ANKAR: variants seen among roughly 807,000 people sequenced by gnomAD.
ANKAR encodes ankyrin and armadillo repeat-containing protein.
In ANKAR, 136 loss-of-function variants were observed where a neutral mutation model predicts 146.2. The ratio of observed to expected loss-of-function variants is 0.93; its 90% CI spans 0.81 to 1.07. The LOEUF is 1.07. Among genes scored for constraint, ANKAR ranks in the 50% least tolerant of loss-of-function variants. ANKAR has a pLI of 0.00. For missense variants in ANKAR, 1,567 were observed against 1,679.9 expected, an observed-to-expected ratio of 0.93 and a Z score of 1.18; for synonymous variants, 500 against 575.8, an observed-to-expected ratio of 0.87 and a Z score of 1.88.
At chr2:189,755,117 C>T (rs2045908196) in intron 18 of ANKAR, 5 of 1,564,704 alleles carry the variant, frequency 3.2e-6, no homozygotes, top group Non-Finnish European at 4.3e-6. Flanking sequence ...TCTATTGCTA[C>T]TTAGTTGAAA....
At chr2:189,704,544 CATATATATATATATATAT>C (rs10578902) in intron 7 of ANKAR, among the ~76,000 whole-genome samples, 3,209 of 36,446 alleles carry the variant, frequency 0.088, 164 homozygotes, top group African/African-American at 0.16. Context: ...CCTTTGTTAA[CATATATATATATATATAT>C]ATATATATAT....
intron 12 of ANKAR, among the ~76,000 whole-genome samples, chr2:189,725,279 T>TACACACACACACAC (rs10546393): frequency 3.0e-4 from 44 of 146,568 alleles, no homozygotes; most frequent in South Asian, 6.5e-4. Flanking sequence ...TATGGATTTA[T>TACACACACACACAC]ACACACACAC....
chr2:189,724,416 C>T (rs2041644196), intron 12 of ANKAR, among the ~76,000 whole-genome samples: 1 of 152,152 alleles, frequency 6.6e-6, no homozygotes, highest in Non-Finnish European at 1.5e-5. Context: ...AAATGACCTT[C>T]CTGTCACTCC....
At chr2:189,741,908 T>C (rs1277647090) in intron 20 of ANKAR, among the ~76,000 whole-genome samples, 1 of 152,240 alleles carries the variant, frequency 6.6e-6, no homozygotes, top group Non-Finnish European at 1.5e-5. Context: ...AAGAAACTTA[T>C]AATTGTTTAC....
intron 4 of ANKAR, 95 bp from the exon 5 acceptor site, chr2:189,692,979 T>A (rs1399150939): frequency 1.8e-5 from 11 of 607,852 alleles, no homozygotes; most frequent in Non-Finnish European, 2.7e-5. Context: ...ATTTAAAATT[T>A]GTCATTTACA....
rs1204525764 is a variant in ANKAR, at chr2:189,755,627, G to A, written c.*585-5471G>A. ...AAAAATGAAGAAAAATGATATTACAGCTAAAAGCATGTCTTCAAGTTAATC... is the reference window on the plus strand; with the variant it reads ...AAAAATGAAGAAAAATGATATTACAACTAAAAGCATGTCTTCAAGTTAATC... On this transcript the variant is annotated intron_variant and NMD_transcript_variant, in intron 18 of 18. Transcript: ENST00000441800. 8.0e-6 allele frequency: 12 copies of A among 1,492,194 alleles called. No homozygotes were observed. The Admixed American group carries it at 2.0e-4, about 25-fold the overall frequency. The allele number at this position is 1,492,194 out of a possible 1,614,324, so 92.4% of individuals were successfully genotyped here.
At chr2:189,761,905 GACTT>G (rs1364273061), downstream of ANKAR, among the ~76,000 whole-genome samples, 8 of 152,196 alleles carry the variant, frequency 5.3e-5, no homozygotes, top group Middle Eastern at 0.02. Context: ...CCTACCAAAA[GACTT>G]ACTATTAAGA....
Position 189,723,536 on chromosome 2 carries a change from T to C in ANKAR, c.2635+2749T>C, listed in dbSNP as rs373639280. On this transcript the variant is annotated intron_variant, in intron 12 of 22. Transcript: ENST00000684021. Reference sequence around the variant, plus strand: ...TAAAAGATCACCTCATTTTTTTTCTTGGAATGATTATTCACATATTTCTGC... The same window carrying C: ...TAAAAGATCACCTCATTTTTTTTCTCGGAATGATTATTCACATATTTCTGC... Among the ~76,000 whole-genome samples, 7 of 152,192 alleles carry C rather than the reference T, an allele frequency of 4.6e-5. No individual in the cohort carries two copies. The South Asian group carries it at 1.5e-3, about 32-fold the overall frequency.
At chr2:189,745,185 T>C (rs2043970196) in intron 22 of ANKAR, among the ~76,000 whole-genome samples, 1 of 151,482 alleles carries the variant, frequency 6.6e-6, no homozygotes, top group Non-Finnish European at 1.5e-5. Context: ...AGTGAGACTC[T>C]GTCTCAAAAA....
chr2:189,697,724 C>T (rs923930292), intron 7 of ANKAR, among the ~76,000 whole-genome samples: 4 of 152,046 alleles, frequency 2.6e-5, no homozygotes, highest in South Asian at 2.1e-4. Flanking sequence ...GTTTCTCATG[C>T]GCCCTCTGAC....
intron 2 of ANKAR, among the ~76,000 whole-genome samples, chr2:189,684,943 A>G (rs1403605154): frequency 1.3e-5 from 2 of 150,998 alleles, no homozygotes. Flanking sequence ...CTTTTTTATT[A>G]TTTACTTTCC....
chr2:189,756,753 C>CA (rs1188191428), intron 18 of ANKAR, among the ~76,000 whole-genome samples: 3 of 152,182 alleles, frequency 2.0e-5, no homozygotes, highest in Non-Finnish European at 4.4e-5. Flanking sequence ...CAAAAGCCCT[C>CA]ATCTCAGTCT....
At chr2:189,730,447 T>C (rs2042300041) in intron 15 of ANKAR, 48 bp from the exon 16 acceptor site, 1 of 1,221,886 alleles carries the variant, frequency 8.2e-7, no homozygotes, top group Non-Finnish European at 1.2e-6. Flanking sequence ...GACTTTACCA[T>C]TTGTAAGATG....
chr2:189,761,775 G>C (rs1219990372), downstream of ANKAR: 18 of 1,088,286 alleles, frequency 1.7e-5, no homozygotes, highest in Middle Eastern at 1.3e-3. Flanking sequence ...CCAAAAGTTT[G>C]TAAAGGCTAT....
At chr2:189,733,943 A>G (rs1286384931) in intron 17 of ANKAR, among the ~76,000 whole-genome samples, 1 of 151,666 alleles carries the variant, frequency 6.6e-6, no homozygotes, top group Non-Finnish European at 1.5e-5. Context: ...TTTGTTTTTC[A>G]TGATTTCATG....
intron 10 of ANKAR, among the ~76,000 whole-genome samples, chr2:189,715,993 G>A (rs989812925): frequency 2.6e-5 from 4 of 152,172 alleles, no homozygotes; most frequent in Non-Finnish European, 5.9e-5. Flanking sequence ...TACTGAATGG[G>A]CAAAAATTGG....
Position 189,696,388 on chromosome 2 carries a change from AC to A in ANKAR, c.1708+21del. The A allele has an allele frequency of 6.3e-7, 1 of 1,598,066 alleles. No homozygotes were observed. Among genetic ancestry groups the A allele is most frequent in the Non-Finnish European group, 8.5e-7 (1 of 1,172,678 alleles). ...AGCCAAGGTACCATAAAGTTTTTTA[AC>A]CTAAAATGTTGTTATTTTATTTACC... is the stretch of plus-strand genomic sequence containing the variant. On this transcript the variant is annotated intron_variant, in intron 7 of 22. Transcript: ENST00000684021.
At chr2:189,745,331 A>C (rs1242794763) in intron 22 of ANKAR, among the ~76,000 whole-genome samples, 1 of 152,202 alleles carries the variant, frequency 6.6e-6, no homozygotes, top group African/African-American at 2.4e-5. Flanking sequence ...ATATCACTTG[A>C]AAGTGACTCC....
At chr2:189,704,468 A>G (rs2038553916) in intron 7 of ANKAR, among the ~76,000 whole-genome samples, 1 of 147,794 alleles carries the variant, frequency 6.8e-6, no homozygotes, top group Non-Finnish European at 1.5e-5. Flanking sequence ...CTACCCACAT[A>G]ATAAATATCT....
Sources: gnomAD v4.1 joint callset for allele counts (sites outside exome capture counted in the v4.1 genomes callset) on GRCh38, gnomAD v4.1.1 for gene constraint, MANE v1.5 for transcripts, NCBI Gene and HGNC (gene_info 2026-07-23, HGNC 2026-07-21) for gene names.